The following P3H2 variants were observed in gnomAD, a reference collection of about 807,000 sequenced individuals.
The protein encoded by P3H2 is prolyl 3-hydroxylase 2.
In P3H2, 80 loss-of-function variants were observed where a neutral mutation model predicts 87.0. That is an observed-to-expected ratio of 0.92 (90% CI 0.77 to 1.11). The LOEUF (loss-of-function observed/expected upper bound fraction) is 1.11, where lower values mean the gene tolerates loss of function less well. P3H2 is among the 50% of genes least tolerant of loss of function. The pLI is 0.00. For synonymous variants in P3H2, 367 were observed against 359.3 expected, an observed-to-expected ratio of 1.02 and a Z score of -0.24; for missense variants, 1,001 against 923.9, an observed-to-expected ratio of 1.08 and a Z score of -1.08.
At chr3:190,024,477 A>AGGTTGCAG (rs1234225180) in intron 1 of P3H2, among the ~76,000 whole-genome samples, 1 of 132,298 alleles carries the variant, frequency 7.6e-6, no homozygotes, top group East Asian at 2.7e-4. Flanking sequence ...GGGGAGGCAG[A>AGGTTGCAG]GGTTGCAGTG....
At position 190,041,072 on chromosome 3, in the gene P3H2, ACACACACACTCT is replaced by A. The variant is rs1436173835; in HGVS notation, c.481-45642_481-45631del. 2.8e-3 allele frequency among the ~76,000 whole-genome samples: 129 copies of A among 45,320 alleles called. 7 individuals carry two copies. Among genetic ancestry groups the A allele is most frequent in the African/African-American group, 4.2e-3 (34 of 8,158 alleles). 29.7% of individuals were successfully genotyped at this position (45,320 alleles called of 152,430 possible). ...CACACACACACACACACACACACACACACACACACTCTCTCTCTCTATATATATATATATACT... is the reference window on the plus strand; with the variant it reads ...CACACACACACACACACACACACACACTCTCTCTATATATATATATATACT... On this transcript the variant is annotated intron_variant, in intron 1 of 14. Coordinates refer to ENST00000319332, the MANE Select transcript of P3H2 (RefSeq NM_018192.4).
intron 1 of P3H2, among the ~76,000 whole-genome samples, chr3:190,038,455 G>T (rs542501938): frequency 1.2e-5 from 1 of 81,876 alleles, no homozygotes; most frequent in Admixed American, 1.5e-4. Flanking sequence ...TAAAAACCTA[G>T]ATATTCAACA....
rs561836195 is a variant in P3H2, at chr3:190,089,572, G to C, written c.480+30680C>G. The stretch of plus-strand genomic sequence containing the variant: ...GAGGACTGGACGGATGTTCTGTCCT[G>C]ACTCTAGAGGGTGGTCACACATACC... On this transcript the variant is annotated intron_variant, in intron 1 of 14. Coordinates refer to ENST00000319332, the MANE Select transcript of P3H2 (RefSeq NM_018192.4). Among the ~76,000 whole-genome samples, 3 of 152,276 alleles carry C rather than the reference G, an allele frequency of 2.0e-5. No individual in the cohort carries two copies. In the East Asian group the frequency reaches 5.8e-4, roughly 29 times the overall value.
At chr3:190,026,538 AC>A (rs537159877) in intron 1 of P3H2, among the ~76,000 whole-genome samples, 193 of 152,330 alleles carry the variant, frequency 1.3e-3, no homozygotes, top group African/African-American at 4.4e-3. Flanking sequence ...TGCCGTGACA[AC>A]CTCAGGAAGT....
At chr3:189,997,805 C>T (rs1333644761) in intron 1 of P3H2, among the ~76,000 whole-genome samples, 1 of 152,176 alleles carries the variant, frequency 6.6e-6, no homozygotes, top group Non-Finnish European at 1.5e-5. Flanking sequence ...CTTTAATCTT[C>T]TCAATCTCTT....
At chr3:190,074,739 CT>C (rs1408502066) in intron 1 of P3H2, among the ~76,000 whole-genome samples, 1 of 152,158 alleles carries the variant, frequency 6.6e-6, no homozygotes, top group African/African-American at 2.4e-5. Flanking sequence ...ACCAATCTGT[CT>C]TTTGATTTTC....
chr3:190,120,407 G>GGGGC lies in P3H2; in HGVS notation c.321_324dup (p.Leu109AlafsTer17). On this transcript the variant is annotated frameshift_variant, in exon 1 of 15. Transcript: ENST00000319332. LOFTEE classifies it high-confidence loss of function. ...GCCCGCCCCAACAAGGAGCGGAAAA[G>GGGGC]GGGCAGCTCAGCGCCGGGGCCCTCG... 3 of 1,535,750 alleles carry GGGGC rather than the reference G, an allele frequency of 2.0e-6. No individual in the cohort carries two copies. Among genetic ancestry groups the GGGGC allele is most frequent in the Non-Finnish European group, 2.6e-6 (3 of 1,147,520 alleles).
At chr3:190,064,046 T>C (rs759275918) in intron 1 of P3H2, among the ~76,000 whole-genome samples, 4 of 147,358 alleles carry the variant, frequency 2.7e-5, no homozygotes, top group Non-Finnish European at 4.5e-5. Flanking sequence ...GGCTGGAGAA[T>C]AGTAGGGCAA....
chr3:190,025,404 C>T (rs886822226), intron 1 of P3H2, among the ~76,000 whole-genome samples: 4 of 152,110 alleles, frequency 2.6e-5, no homozygotes, highest in African/African-American at 9.7e-5. Flanking sequence ...CAAGACTGTA[C>T]ACTCTAAAAC....
chr3:189,987,713 G>A (rs1323701137), intron 4 of P3H2, 44 bp from the exon 5 acceptor site: 1 of 1,613,238 alleles, frequency 6.2e-7, no homozygotes, highest in Non-Finnish European at 8.5e-7. Flanking sequence ...GCCTAGGTCT[G>A]TCCAAAGGAT....
rs191605839 is a variant in P3H2 at position 189,958,599 on chromosome 3, G to T, written c.2035-595C>A. ...CCCTGTGCCCTGCAGGATGCTCAGC[G>T]ACACCCCGTCCTCTCTACCTACCAC... On this transcript the variant is annotated intron_variant, in intron 14 of 14. Transcript: ENST00000319332. Among the ~76,000 whole-genome samples the T allele has an allele frequency of 5.0e-3, 755 of 151,572 alleles. 1 individual carries two copies. The highest frequency in any genetic ancestry group is 8.6e-3 in the Non-Finnish European group (584 of 67,944).
chr3:190,068,439 C>A (rs923796040), intron 1 of P3H2, among the ~76,000 whole-genome samples: 1 of 152,158 alleles, frequency 6.6e-6, no homozygotes, highest in African/African-American at 2.4e-5. Context: ...GCCCCCTGGA[C>A]ACACACATAT....
chr3:190,078,123 G>A (rs1020215908), intron 1 of P3H2, among the ~76,000 whole-genome samples: 1 of 152,202 alleles, frequency 6.6e-6, no homozygotes, highest in Non-Finnish European at 1.5e-5. Context: ...GGCTAATGGA[G>A]TAGAACTAAA....
At chr3:190,030,004 A>G (rs1725203639) in intron 1 of P3H2, among the ~76,000 whole-genome samples, 1 of 27,074 alleles carries the variant, frequency 3.7e-5, no homozygotes, top group South Asian at 2.2e-3. Flanking sequence ...CTCCGTCTCA[A>G]AAAAAAAAAG....
chr3:190,016,941 C>A (rs1454875280), intron 1 of P3H2, among the ~76,000 whole-genome samples: 1 of 152,180 alleles, frequency 6.6e-6, no homozygotes, highest in East Asian at 1.9e-4. Context: ...TTGGTCACAG[C>A]CATTCCAGAT....
At chr3:190,004,188 G>T (rs902545062) in intron 1 of P3H2, among the ~76,000 whole-genome samples, 1 of 152,094 alleles carries the variant, frequency 6.6e-6, no homozygotes, top group Non-Finnish European at 1.5e-5. Flanking sequence ...TAGGTTGTAT[G>T]TTTTATATAG....
At position 190,041,202 on chromosome 3, in the gene P3H2, G is replaced by GT. The variant is rs1337040571; in HGVS notation, c.481-45761dup. ...TAGGAGGATCATTTGAGCCTAGGAG[G>GT]TTAAGGCTGCAGTAAGCCAAGATTG... is the stretch of plus-strand genomic sequence containing the variant. On this transcript the variant is annotated intron_variant, in intron 1 of 14. Coordinates refer to ENST00000319332, the MANE Select transcript of P3H2 (RefSeq NM_018192.4). Among the ~76,000 whole-genome samples, 11 of 141,766 alleles carry GT rather than the reference G, an allele frequency of 7.8e-5. No homozygotes were observed. In the East Asian group the frequency reaches 1.0e-3, roughly 14 times the overall value. 93.0% of individuals were successfully genotyped at this position (141,766 alleles called of 152,430 possible).
intron 1 of P3H2, among the ~76,000 whole-genome samples, chr3:190,033,926 CAG>C (rs1560371331): frequency 6.6e-6 from 1 of 152,154 alleles, no homozygotes; most frequent in African/African-American, 2.4e-5. Flanking sequence ...ATTTAATAAA[CAG>C]AAATTTGCGT....
chr3:190,015,261 C>T (rs778958970), intron 1 of P3H2, among the ~76,000 whole-genome samples: 1 of 152,012 alleles, frequency 6.6e-6, no homozygotes, highest in Non-Finnish European at 1.5e-5. Flanking sequence ...CTGCATCTAG[C>T]CTAGGACACA....
Sources: allele counts gnomAD v4.1 joint callset (sites outside exome capture counted in the v4.1 genomes callset), GRCh38; gene constraint gnomAD v4.1.1; transcripts MANE v1.5; gene names NCBI Gene and HGNC (gene_info 2026-07-23, HGNC 2026-07-21).